PTPRT: variants seen among roughly 807,000 people sequenced by gnomAD.
PTPRT encodes protein tyrosine phosphatase receptor type T.
PTPRT carries 56 observed loss-of-function variants against 176.8 expected under a neutral mutation model. The ratio of observed to expected loss-of-function variants is 0.32; its 90% confidence interval spans 0.26 to 0.40. The LOEUF is 0.40. Ranked by LOEUF, PTPRT falls within the 10% of genes least tolerant of loss-of-function variation. PTPRT has a pLI of 1.00. For synonymous variants in PTPRT, 783 were observed against 739.0 expected, an observed-to-expected ratio of 1.06 and a Z score of -0.96; for missense variants, 1,540 against 1,908.2, an observed-to-expected ratio of 0.81 and a Z score of 3.60.
chr20:43,030,323 T>A (rs1986089793), intron 1 of PTPRT, among the ~76,000 whole-genome samples: 1 of 152,322 alleles, frequency 6.6e-6, no homozygotes, highest in South Asian at 2.1e-4. Flanking sequence ...GTCTTCTCTA[T>A]CAGGAGTTGT....
intron 7 of PTPRT, among the ~76,000 whole-genome samples, chr20:42,648,091 CT>C (rs5841470): frequency 0.16 from 24,656 of 151,984 alleles, 2,137 homozygotes; most frequent in African/African-American, 0.19. Context: ...AACGGCTCCC[CT>C]GAGGTTGTCT....
At chr20:42,991,193 C>T (rs1008751816) in intron 1 of PTPRT, among the ~76,000 whole-genome samples, 2 of 152,096 alleles carry the variant, frequency 1.3e-5, no homozygotes, top group Non-Finnish European at 2.9e-5. Flanking sequence ...AAAATGCACC[C>T]TCAAGGGACT....
intron 1 of PTPRT, among the ~76,000 whole-genome samples, chr20:42,990,597 A>T (rs1176519104): frequency 6.6e-6 from 1 of 152,202 alleles, no homozygotes; most frequent in African/African-American, 2.4e-5. Context: ...TCACCAAAAA[A>T]GTGTGTTCAA....
In PTPRT at chr20:42,207,056, T is replaced by C. The variant is rs1389260798; in HGVS notation, c.2343-7668A>G. ...CACTGACACCTCACAAGGCAGGGTATTCCAACAGACCTGCAGCTGAGGGTC... is the reference window on the plus strand; with the variant it reads ...CACTGACACCTCACAAGGCAGGGTACTCCAACAGACCTGCAGCTGAGGGTC... On this transcript the variant is annotated intron_variant, in intron 15 of 30. Transcript: ENST00000373187. Among the ~76,000 whole-genome samples, 410 of 152,082 alleles carry C rather than the reference T, an allele frequency of 2.7e-3. 1 individual carries two copies. The highest frequency in any genetic ancestry group is 8.9e-3 in the African/African-American group (368 of 41,488).
intron 1 of PTPRT, among the ~76,000 whole-genome samples, chr20:42,952,544 C>G (rs537731136): frequency 6.6e-6 from 1 of 152,194 alleles, no homozygotes; most frequent in Non-Finnish European, 1.5e-5. Flanking sequence ...GCCTCAGTTT[C>G]CTTATCTGTC....
At chr20:42,439,756 T>A (rs1163754386) in intron 9 of PTPRT, among the ~76,000 whole-genome samples, 1 of 152,116 alleles carries the variant, frequency 6.6e-6, no homozygotes, top group Non-Finnish European at 1.5e-5. Context: ...AACAAACAAA[T>A]ACAGCATATG....
At chr20:42,134,623 T>C (rs980673758) in intron 18 of PTPRT, among the ~76,000 whole-genome samples, 5 of 152,068 alleles carry the variant, frequency 3.3e-5, no homozygotes, top group Non-Finnish European at 5.9e-5. Context: ...AGACCACTAG[T>C]ATGCTGGTAA....
chr20:42,385,871 T>C (rs1333499593), intron 9 of PTPRT, among the ~76,000 whole-genome samples: 2 of 152,174 alleles, frequency 1.3e-5, no homozygotes, highest in Non-Finnish European at 2.9e-5. Flanking sequence ...ATGTGGGGAT[T>C]ATTACAATTC....
At chr20:42,357,353 C>G (rs1188210646) in intron 9 of PTPRT, among the ~76,000 whole-genome samples, 4 of 152,188 alleles carry the variant, frequency 2.6e-5, no homozygotes, top group Non-Finnish European at 5.9e-5. Context: ...GACCTCTGTA[C>G]TAGACTTTAA....
intron 1 of PTPRT, among the ~76,000 whole-genome samples, chr20:42,956,298 C>T (rs1452365017): frequency 6.6e-6 from 1 of 152,112 alleles, no homozygotes; most frequent in Non-Finnish European, 1.5e-5. Context: ...GTGGGATCCT[C>T]ATGAATGGTT....
At chr20:42,450,060 T>C (rs115920647) in intron 8 of PTPRT, among the ~76,000 whole-genome samples, 1,807 of 152,332 alleles carry the variant, frequency 0.012, 40 homozygotes, top group African/African-American at 0.042. Context: ...GGCCATACAT[T>C]TCTCTGGGGC....
At chr20:42,580,405 A>G (rs1291118752) in intron 7 of PTPRT, among the ~76,000 whole-genome samples, 2 of 152,072 alleles carry the variant, frequency 1.3e-5, no homozygotes, top group Non-Finnish European at 2.9e-5. Flanking sequence ...TTGGTTCCAT[A>G]TGAACTTTAA....
chr20:42,152,313 G>A lies in PTPRT; in HGVS notation c.2682+9039C>T, dbSNP rs146314788. On this transcript the variant is annotated intron_variant, in intron 17 of 30. Transcript: ENST00000373187. ...TTATAAATGTGGACAGAGAAGGCAG[G>A]AGAGGATGACTAATGACGTCTATTC... Among the ~76,000 whole-genome samples, 308 of 152,328 alleles carry A rather than the reference G, an allele frequency of 2.0e-3. 1 individual carries two copies. The highest frequency in any genetic ancestry group is 3.1e-3 in the Admixed American group (48 of 15,300).
intron 7 of PTPRT, among the ~76,000 whole-genome samples, chr20:42,646,882 C>CTTTTTTTTTTTTTTTTTT (rs1161994908): frequency 1.2e-4 from 9 of 76,282 alleles, no homozygotes; most frequent in African/African-American, 6.7e-4. Flanking sequence ...CTAAGACAGC[C>CTTTTTTTTTTTTTTTTTT]TTTTTTTTTT....
At chr20:42,197,836 G>A (rs1041929870) in intron 16 of PTPRT, among the ~76,000 whole-genome samples, 5 of 152,104 alleles carry the variant, frequency 3.3e-5, no homozygotes, top group African/African-American at 1.2e-4. Context: ...AAGGGTATAT[G>A]AGTATTCATT....
At chr20:42,511,626 T>C (rs1292054720) in intron 7 of PTPRT, among the ~76,000 whole-genome samples, 4 of 152,118 alleles carry the variant, frequency 2.6e-5, no homozygotes, top group Admixed American at 6.5e-5. Flanking sequence ...AGGAGCTCGA[T>C]AAAGATCACG....
intron 7 of PTPRT, among the ~76,000 whole-genome samples, chr20:42,552,963 G>A (rs551441800): frequency 1.1e-4 from 16 of 152,134 alleles, no homozygotes; most frequent in Non-Finnish European, 1.2e-4. Flanking sequence ...AATAAGAACC[G>A]CCTTGAGTAG....
intron 1 of PTPRT, among the ~76,000 whole-genome samples, chr20:42,991,433 A>C (rs1983905804): frequency 6.6e-6 from 1 of 152,190 alleles, no homozygotes; most frequent in Admixed American, 6.5e-5. Flanking sequence ...AAAAGAAAAA[A>C]AAAAAGAAAC....
chr20:42,049,613 C>G, the PTPRT span, among the ~76,000 whole-genome samples: 1 of 152,212 alleles, frequency 6.6e-6, no homozygotes, highest in Non-Finnish European at 1.5e-5. Context: ...GGCAGTAGCT[C>G]TCAAAGTATG....
Sources: gnomAD v4.1 joint callset for allele counts (sites outside exome capture counted in the v4.1 genomes callset) on GRCh38, gnomAD v4.1.1 for gene constraint, MANE v1.5 for transcripts, NCBI Gene and HGNC (gene_info 2026-07-23, HGNC 2026-07-21) for gene names.